The following MGAT4C variants were observed in gnomAD, a reference collection of about 807,000 sequenced individuals.
MGAT4C encodes the protein MGAT4 family member C.
Under a neutral mutation model 40.1 loss-of-function variants are expected in MGAT4C, and 19 were observed. The observed-to-expected ratio is 0.47, with a 90% CI of 0.33 to 0.70. The LOEUF (loss-of-function observed/expected upper bound fraction) is 0.70, where lower values mean the gene tolerates loss of function less well. Among genes scored for constraint, MGAT4C ranks in the 30% least tolerant of loss-of-function variants. The pLI, the probability that MGAT4C is intolerant of heterozygous loss-of-function variation, is 0.02. For synonymous variants in MGAT4C, 181 were observed against 187.1 expected (o/e 0.97, Z 0.27); for missense variants, 491 against 563.2 (o/e 0.87, Z 1.30).
chr12:86,006,507 AT>A (rs1458332833), intron 2 of MGAT4C, among the ~76,000 whole-genome samples: 4 of 152,184 alleles, frequency 2.6e-5, no homozygotes, highest in Non-Finnish European at 5.9e-5. Flanking sequence ...GGAAAAAAGA[AT>A]ATTTCTTTTC....
Position 86,527,589 on chromosome 12 carries a change from T to C in MGAT4C, c.-228-92324A>G, listed in dbSNP as rs988389999. 3.5e-4 allele frequency among the ~76,000 whole-genome samples: 54 copies of C among 152,280 alleles called. 1 individual carries two copies. The highest frequency in any genetic ancestry group is 1.3e-3 in the African/African-American group (53 of 41,570). ...ATCTGTGAATTGCTTTGGGTTACTA[T>C]TGTCATTTTAACAATATTAATTCTT... On this transcript the variant is annotated intron_variant, in intron 2 of 7. Transcript: ENST00000548651.
At chr12:86,214,312 T>C (rs912539623) in intron 1 of MGAT4C, among the ~76,000 whole-genome samples, 1 of 152,324 alleles carries the variant, frequency 6.6e-6, no homozygotes, top group Admixed American at 6.5e-5. Context: ...GACAATTAGG[T>C]CACCTATGCT....
chr12:86,193,736 T>C (rs1042171726), intron 1 of MGAT4C, among the ~76,000 whole-genome samples: 3 of 152,298 alleles, frequency 2.0e-5, no homozygotes, highest in Admixed American at 1.3e-4. Flanking sequence ...ATAGATGACA[T>C]TGTTGCTGTT....
chr12:86,700,414 A>G, intron 2 of MGAT4C, among the ~76,000 whole-genome samples: 1 of 152,090 alleles, frequency 6.6e-6, no homozygotes, highest in East Asian at 1.9e-4. Context: ...CTGCCCCTTG[A>G]TACATTAAAG....
chr12:86,339,368 G>T (rs925434698), intron 3 of MGAT4C, among the ~76,000 whole-genome samples: 1 of 152,100 alleles, frequency 6.6e-6, no homozygotes, highest in African/African-American at 2.4e-5. Context: ...AACTATGTCG[G>T]CAAGGTAGAA....
At chr12:85,991,504 C>T (rs1434221437) in intron 2 of MGAT4C, among the ~76,000 whole-genome samples, 1 of 152,194 alleles carries the variant, frequency 6.6e-6, no homozygotes, top group Non-Finnish European at 1.5e-5. Context: ...CCACTACTGT[C>T]CATAGTGTCC....
At chr12:86,048,563 G>A (rs1273797516) in intron 2 of MGAT4C, among the ~76,000 whole-genome samples, 1 of 151,988 alleles carries the variant, frequency 6.6e-6, no homozygotes, top group Admixed American at 6.6e-5. Flanking sequence ...ACTGGATATA[G>A]ATTCAAAGTA....
chr12:86,427,819 G>C (rs938594908), intron 3 of MGAT4C, among the ~76,000 whole-genome samples: 1 of 152,120 alleles, frequency 6.6e-6, no homozygotes, highest in Non-Finnish European at 1.5e-5. Context: ...AGGGGATCAA[G>C]ACCATCCTGG....
At chr12:86,141,283 C>A (rs1447672978) in intron 1 of MGAT4C, among the ~76,000 whole-genome samples, 1 of 152,008 alleles carries the variant, frequency 6.6e-6, no homozygotes, top group Non-Finnish European at 1.5e-5. Context: ...TAGAAGGACA[C>A]AAGTTTAACA....
Position 86,153,203 on chromosome 12 carries a change from T to C in MGAT4C, c.-57+103036A>G, listed in dbSNP as rs540124784. Among the ~76,000 whole-genome samples, 12 of 152,252 alleles carry C rather than the reference T, an allele frequency of 7.9e-5. 1 individual carries two copies. In the South Asian group the frequency reaches 1.0e-3, roughly 13 times the overall value. ...TTCAAACAGCTGTAAACCCAACAAG[T>C]ACATGGCCTCTAATTCTCCTACTCC... On this transcript the variant is annotated intron_variant, in intron 1 of 4. Transcript: ENST00000611864.
chr12:86,744,008 C>T (rs1425219473), intron 1 of MGAT4C, among the ~76,000 whole-genome samples: 1 of 151,498 alleles, frequency 6.6e-6, no homozygotes, highest in Non-Finnish European at 1.5e-5. Context: ...ACCAACAAGG[C>T]ATATGGAAGC....
intron 1 of MGAT4C, among the ~76,000 whole-genome samples, chr12:86,156,181 T>C (rs1252880871): frequency 6.6e-6 from 1 of 152,166 alleles, no homozygotes; most frequent in African/African-American, 2.4e-5. Flanking sequence ...TTAAACAGAA[T>C]CTTTGGCATG....
chr12:86,507,676 TATAA>T (rs1474401273), intron 2 of MGAT4C, among the ~76,000 whole-genome samples: 2 of 152,180 alleles, frequency 1.3e-5, no homozygotes, highest in African/African-American at 2.4e-5. Flanking sequence ...GTAAGCAAGA[TATAA>T]ATGTTTTTGA....
intron 1 of MGAT4C, among the ~76,000 whole-genome samples, chr12:86,133,674 T>C (rs956052102): frequency 2.0e-5 from 3 of 152,156 alleles, no homozygotes; most frequent in Non-Finnish European, 2.9e-5. Flanking sequence ...AAAATCCTTA[T>C]ATGTAAAGAT....
chr12:86,028,083 A>G, intron 2 of MGAT4C: 4 of 1,258,844 alleles, frequency 3.2e-6, no homozygotes, highest in Non-Finnish European at 4.2e-6. Flanking sequence ...TCTTCCATCA[A>G]CTACCTTTTC....
At chr12:86,754,585 C>T (rs1439256060) in intron 1 of MGAT4C, among the ~76,000 whole-genome samples, 1 of 151,830 alleles carries the variant, frequency 6.6e-6, no homozygotes, top group East Asian at 1.9e-4. Flanking sequence ...TGGATTGCAG[C>T]CTGAGAAGAG....
At chr12:86,046,512 T>C (rs1892408430) in intron 2 of MGAT4C, among the ~76,000 whole-genome samples, 1 of 152,136 alleles carries the variant, frequency 6.6e-6, no homozygotes, top group African/African-American at 2.4e-5. Flanking sequence ...AATAGCTGAC[T>C]AGAAACACAT....
chr12:86,602,803 A>C (rs1961832057), intron 2 of MGAT4C, among the ~76,000 whole-genome samples: 1 of 152,136 alleles, frequency 6.6e-6, no homozygotes, highest in African/African-American at 2.4e-5. Context: ...ACTTAAAAGT[A>C]GAATTACCAT....
At chr12:86,492,272 T>C (rs1483122951) in intron 2 of MGAT4C, among the ~76,000 whole-genome samples, 1 of 152,218 alleles carries the variant, frequency 6.6e-6, no homozygotes, top group Non-Finnish European at 1.5e-5. Flanking sequence ...CCAATGACTT[T>C]CTTCACAGAA....
Sources: gnomAD v4.1 joint callset for allele counts (sites outside exome capture counted in the v4.1 genomes callset) on GRCh38, gnomAD v4.1.1 for gene constraint, MANE v1.5 for transcripts, NCBI Gene and HGNC (gene_info 2026-07-23, HGNC 2026-07-21) for gene names.